Variants in PCED1B observed in about 807,000 individuals in gnomAD.
PCED1B encodes the protein PC-esterase domain-containing protein 1B.
For synonymous variants in PCED1B, 251 were observed against 246.1 expected (o/e 1.02, Z -0.19); for missense variants, 573 against 573.9 (o/e 1.00, Z 0.02).
chr12:47,111,962 T>C (rs1360305419), intron 2 of PCED1B, among the ~76,000 whole-genome samples: 1 of 152,164 alleles, frequency 6.6e-6, no homozygotes, highest in Non-Finnish European at 1.5e-5. Flanking sequence ...GCACTGCCCC[T>C]CATAAGCTGT....
intron 1 of PCED1B, among the ~76,000 whole-genome samples, chr12:47,087,641 C>A (rs192156415): frequency 2.6e-5 from 4 of 152,128 alleles, no homozygotes; most frequent in Non-Finnish European, 5.9e-5. Context: ...GTATTTGCAA[C>A]AGAAAATATA....
chr12:47,174,736 G>A (rs1476325589), intron 2 of PCED1B, among the ~76,000 whole-genome samples: 1 of 152,004 alleles, frequency 6.6e-6, no homozygotes, highest in Non-Finnish European at 1.5e-5. Flanking sequence ...TTTTTTAAGT[G>A]GTTCTCTGCC....
intron 2 of PCED1B, chr12:47,210,870 G>A (rs1471032625): frequency 3.3e-5 from 5 of 152,044 alleles, no homozygotes; most frequent in Admixed American, 1.3e-4. Flanking sequence ...AAAGTAAGCT[G>A]TAACAATATT....
intron 2 of PCED1B, among the ~76,000 whole-genome samples, chr12:47,174,372 G>A (rs578094318): frequency 2.0e-5 from 3 of 150,096 alleles, no homozygotes; most frequent in African/African-American, 7.3e-5. Context: ...TTGCGCTACC[G>A]CACTCCAGCC....
At chr12:47,102,891 A>G (rs1938774275) in intron 1 of PCED1B, among the ~76,000 whole-genome samples, 1 of 152,206 alleles carries the variant, frequency 6.6e-6, no homozygotes, top group Non-Finnish European at 1.5e-5. Flanking sequence ...CCATTTTTGC[A>G]TATATGGTGA....
At chr12:47,228,038 C>CTT (rs35458566) in intron 3 of PCED1B, among the ~76,000 whole-genome samples, 71,442 of 143,300 alleles carry the variant, frequency 0.5, 17,610 homozygotes, top group South Asian at 0.61. Flanking sequence ...TTTTCTTTTC[C>CTT]TTTTTTTTTT....
intron 2 of PCED1B, among the ~76,000 whole-genome samples, chr12:47,113,508 T>G (rs1348483395): frequency 6.6e-6 from 1 of 152,196 alleles, no homozygotes; most frequent in Non-Finnish European, 1.5e-5. Flanking sequence ...TCCATACTGA[T>G]GACGCTCCTG....
intron 2 of PCED1B, among the ~76,000 whole-genome samples, chr12:47,153,160 T>A (rs931437570): frequency 6.6e-6 from 1 of 151,508 alleles, no homozygotes; most frequent in Non-Finnish European, 1.5e-5. Flanking sequence ...CCATCCTGGC[T>A]AACACGGTGA....
chr12:47,087,898 C>T (rs1565738904), intron 1 of PCED1B, among the ~76,000 whole-genome samples: 1 of 152,302 alleles, frequency 6.6e-6, no homozygotes, highest in Middle Eastern at 3.4e-3. Context: ...AGTAGTGTCT[C>T]TCTCCTGCAC....
At chr12:47,113,594 A>AT in intron 2 of PCED1B, among the ~76,000 whole-genome samples, 1 of 152,190 alleles carries the variant, frequency 6.6e-6, no homozygotes, top group Non-Finnish European at 1.5e-5. Flanking sequence ...AGACAATCAG[A>AT]TTTTACCAGA....
Position 47,162,100 on chromosome 12 carries a change from C to G in PCED1B, c.-525-54122C>G, listed in dbSNP as rs533366766. Among the ~76,000 whole-genome samples the G allele has an allele frequency of 1.2e-3, 171 of 147,668 alleles. 1 individual carries two copies. Among genetic ancestry groups the G allele is most frequent in the African/African-American group, 4.2e-3 (168 of 39,600 alleles). Reference sequence around the variant, plus strand: ...GACACAGGAAGGGGAACATCACACACTGGGGCCTGTTGTGGGGTGGTGGGG... The same window carrying G: ...GACACAGGAAGGGGAACATCACACAGTGGGGCCTGTTGTGGGGTGGTGGGG... On this transcript the variant is annotated intron_variant, in intron 2 of 3. Transcript: ENST00000546455.
intron 2 of PCED1B, among the ~76,000 whole-genome samples, chr12:47,189,488 T>G (rs1565591593): frequency 6.6e-6 from 1 of 152,234 alleles, no homozygotes; most frequent in Non-Finnish European, 1.5e-5. Flanking sequence ...TGTTCCTCTT[T>G]AAAGGCCGCT....
intron 1 of PCED1B, among the ~76,000 whole-genome samples, chr12:47,089,042 A>G (rs1031861273): frequency 7.9e-5 from 12 of 152,172 alleles, no homozygotes; most frequent in African/African-American, 2.9e-4. Context: ...TAGGGTCTTC[A>G]GACAGGGCCG....
intron 2 of PCED1B, among the ~76,000 whole-genome samples, chr12:47,173,225 A>T (rs981577914): frequency 1.3e-5 from 2 of 152,184 alleles, no homozygotes; most frequent in Admixed American, 1.3e-4. Flanking sequence ...AACTTAAAGT[A>T]ACTTTTTCGA....
At chr12:47,150,007 C>A (rs1289610484) in intron 2 of PCED1B, among the ~76,000 whole-genome samples, 1 of 152,130 alleles carries the variant, frequency 6.6e-6, no homozygotes, top group African/African-American at 2.4e-5. Context: ...TAGATTAAGT[C>A]AACAAATGTT....
chr12:47,224,971 G>A (rs1270782291), intron 3 of PCED1B, among the ~76,000 whole-genome samples: 4 of 152,002 alleles, frequency 2.6e-5, no homozygotes, highest in African/African-American at 7.3e-5. Flanking sequence ...TCACGCTGTC[G>A]CCCAGGCTGG....
At chr12:47,202,594 T>TAAAAAAAAAAA (rs60769675) in intron 2 of PCED1B, among the ~76,000 whole-genome samples, 3 of 66,674 alleles carry the variant, frequency 4.5e-5, no homozygotes, top group Admixed American at 1.9e-4. Context: ...TAGACATTAG[T>TAAAAAAAAAAA]AAAAAAAAAA....
At chr12:47,132,779 G>A (rs1190163335) in intron 2 of PCED1B, among the ~76,000 whole-genome samples, 1 of 152,208 alleles carries the variant, frequency 6.6e-6, no homozygotes, top group Non-Finnish European at 1.5e-5. Flanking sequence ...TGAGGCAGGA[G>A]AGTAATGTCC....
chr12:47,161,031 A>C (rs1941360805), intron 2 of PCED1B, among the ~76,000 whole-genome samples: 1 of 152,154 alleles, frequency 6.6e-6, no homozygotes, highest in African/African-American at 2.4e-5. Flanking sequence ...TTGACCTTCC[A>C]CCAGGTTGCA....
Sources: gnomAD v4.1 joint callset for allele counts (sites outside exome capture counted in the v4.1 genomes callset) on GRCh38, gnomAD v4.1.1 for gene constraint, MANE v1.5 for transcripts, NCBI Gene and HGNC (gene_info 2026-07-23, HGNC 2026-07-21) for gene names.